Variants in NFATC3 observed in about 807,000 individuals in gnomAD.
NFATC3 encodes the protein nuclear factor of activated T-cells, cytoplasmic 3.
A neutral mutation model predicts 98.6 loss-of-function variants in NFATC3; 46 were observed. That is an observed-to-expected ratio of 0.47 (90% CI 0.37 to 0.60). NFATC3 has a LOEUF of 0.60. NFATC3 is among the 20% of genes least tolerant of loss of function. The pLI is 0.00. For synonymous variants in NFATC3, 512 were observed against 472.2 expected (o/e 1.08, Z -1.09); for missense variants, 1,256 against 1,295.5 (o/e 0.97, Z 0.47).
intron 9 of NFATC3, among the ~76,000 whole-genome samples, chr16:68,207,404 C>G (rs1209294272): frequency 6.6e-6 from 1 of 152,080 alleles, no homozygotes; most frequent in African/African-American, 2.4e-5. Flanking sequence ...TTGAGTCCCT[C>G]TTTTCAGTAC....
chr16:68,191,168 G>A lies in NFATC3; in HGVS notation c.2499G>A (p.Gln833=). Residue 833 remains glutamine (Q), a synonymous_variant, in exon 9 of 10, where the codon CAG becomes CAA. Transcript: ENST00000346183. ...SSQEFDSVLF[Q]QDATLSGLVN... is the part of the protein sequence containing the mutation. ...AAGAATTTGATTCAGTTTTGTTTCA[G>A]CAGGATGCAACTCTTTCTGGTTTAG... 2 of 1,614,154 alleles carry A rather than the reference G, an allele frequency of 1.2e-6. No homozygotes were observed. Among genetic ancestry groups the A allele is most frequent in the Non-Finnish European group, 1.7e-6 (2 of 1,180,040 alleles).
chr16:68,093,607 A>G (rs982973030), intron 1 of NFATC3, among the ~76,000 whole-genome samples: 3 of 152,194 alleles, frequency 2.0e-5, no homozygotes, highest in East Asian at 3.8e-4. Flanking sequence ...TACATTAGAT[A>G]AATATTTAAT....
chr16:68,142,946 A>G (rs2037835215), intron 3 of NFATC3, among the ~76,000 whole-genome samples: 1 of 152,116 alleles, frequency 6.6e-6, no homozygotes, highest in African/African-American at 2.4e-5. Context: ...AGAAATATGT[A>G]GTAGCCGCAT....
intron 4 of NFATC3, 107 bp from the exon 5 acceptor site, chr16:68,166,736 A>G (rs891185114): frequency 1.2e-6 from 1 of 835,314 alleles, no homozygotes; most frequent in African/African-American, 1.7e-5. Flanking sequence ...TTTTTGACCT[A>G]ATTTTGGGTA....
intron 4 of NFATC3, among the ~76,000 whole-genome samples, chr16:68,162,496 G>C (rs1283667695): frequency 6.6e-6 from 1 of 151,730 alleles, no homozygotes; most frequent in Non-Finnish European, 1.5e-5. Flanking sequence ...TGTCTTTACT[G>C]TTCTCTTAAG....
At chr16:68,205,038 G>A (rs946206903) in intron 9 of NFATC3, among the ~76,000 whole-genome samples, 1 of 149,186 alleles carries the variant, frequency 6.7e-6, no homozygotes, top group Admixed American at 6.7e-5. Flanking sequence ...CCTACAGTTA[G>A]TGTCTCCATC....
In NFATC3 at chr16:68,085,493, C is replaced by T. The variant is rs2034313939; in HGVS notation, c.-189C>T. Reference sequence around the variant, plus strand: ...CGGGCGGCTGCGGTTCCTGGTGCTGCTCGGCGCGCGGCCAGCTTTCGGAAC... The same window carrying T: ...CGGGCGGCTGCGGTTCCTGGTGCTGTTCGGCGCGCGGCCAGCTTTCGGAAC... On this transcript the variant is annotated 5_prime_UTR_variant, in exon 1 of 10. Coordinates refer to ENST00000346183, the MANE Select transcript of NFATC3 (RefSeq NM_173165.3). 1 of 505,870 alleles carries T rather than the reference C, an allele frequency of 2.0e-6. No individual in the cohort carries two copies. Among genetic ancestry groups the T allele is most frequent in the South Asian group, 2.7e-5 (1 of 37,120 alleles). The allele number at this position is 505,870 out of a possible 1,614,324, so 31.3% of individuals were successfully genotyped here.
At chr16:68,176,628 T>C (rs1034592233) in intron 6 of NFATC3, among the ~76,000 whole-genome samples, 1 of 152,196 alleles carries the variant, frequency 6.6e-6, no homozygotes, top group Non-Finnish European at 1.5e-5. Flanking sequence ...GGTGAAATGG[T>C]ATTTTGAAAT....
At chr16:68,170,025 G>A (rs891480893) in intron 5 of NFATC3, among the ~76,000 whole-genome samples, 2 of 151,850 alleles carry the variant, frequency 1.3e-5, no homozygotes, top group Admixed American at 6.6e-5. Flanking sequence ...CAGCCTGGGC[G>A]ACAGAGTGAG....
At chr16:68,116,191 A>T (rs543161826) in intron 1 of NFATC3, among the ~76,000 whole-genome samples, 1 of 152,222 alleles carries the variant, frequency 6.6e-6, no homozygotes, top group South Asian at 2.1e-4. Context: ...GTCATGACAC[A>T]GTTAAAAACA....
intron 3 of NFATC3, among the ~76,000 whole-genome samples, chr16:68,137,256 AATTTTTT>A (rs1043307782): frequency 4.6e-5 from 7 of 152,242 alleles, no homozygotes; most frequent in Non-Finnish European, 7.4e-5. Context: ...TCTATGTTCA[AATTTTTT>A]ATTTTTTATT....
At chr16:68,143,414 G>A (rs1158563689) in intron 3 of NFATC3, among the ~76,000 whole-genome samples, 2 of 152,138 alleles carry the variant, frequency 1.3e-5, no homozygotes, top group Non-Finnish European at 2.9e-5. Flanking sequence ...AGACAAAGAT[G>A]AGTATTCTTT....
intron 9 of NFATC3, among the ~76,000 whole-genome samples, chr16:68,211,531 G>A (rs2041394763): frequency 6.7e-6 from 1 of 149,050 alleles, no homozygotes; most frequent in African/African-American, 2.5e-5. Flanking sequence ...TGTTGTTGTT[G>A]TTGTTGTTTG....
chr16:68,124,713 G>A (rs367789829), intron 2 of NFATC3, among the ~76,000 whole-genome samples: 1 of 151,780 alleles, frequency 6.6e-6, no homozygotes, highest in Admixed American at 6.6e-5. Context: ...GATTACAGGC[G>A]TGAGCCACCG....
chr16:68,181,469 C>G lies in NFATC3; in HGVS notation c.1916-6C>G, dbSNP rs755222920. On this transcript the variant is annotated splice_polypyrimidine_tract_variant and splice_region_variant and intron_variant, in intron 6 of 9. Transcript: ENST00000346183. ...GCTTTTAACTATAAACTCTTTCTTT[C>G]AATAGATGGACGACCTCAGTGGGAG... 5.6e-6 allele frequency: 9 copies of G among 1,608,894 alleles called. No individual in the cohort carries two copies. The highest frequency in any genetic ancestry group is 7.7e-6 in the Non-Finnish European group (9 of 1,176,108).
At chr16:68,196,167 T>A (rs2040660441) in intron 9 of NFATC3, among the ~76,000 whole-genome samples, 1 of 152,180 alleles carries the variant, frequency 6.6e-6, no homozygotes, top group Admixed American at 6.5e-5. Context: ...TCACCCAGGC[T>A]GGAGTGCAGT....
intron 5 of NFATC3, among the ~76,000 whole-genome samples, chr16:68,169,005 G>T (rs976807537): frequency 2.0e-5 from 3 of 151,984 alleles, no homozygotes; most frequent in Non-Finnish European, 4.4e-5. Flanking sequence ...AGCTGGTCTC[G>T]AACTCCTGGG....
intron 4 of NFATC3, among the ~76,000 whole-genome samples, chr16:68,164,140 C>T (rs1261449333): frequency 6.6e-6 from 1 of 152,266 alleles, no homozygotes. Context: ...CAGACTCCGT[C>T]TGCAATCCCA....
At chr16:68,218,125 G>A (rs535213333) in intron 9 of NFATC3, 106 of 745,874 alleles carry the variant, frequency 1.4e-4, no homozygotes, top group South Asian at 3.7e-4. Flanking sequence ...AGTGGTGCAC[G>A]ATCATAGCTT....
Sources: gnomAD v4.1 joint callset for allele counts (sites outside exome capture counted in the v4.1 genomes callset) on GRCh38, gnomAD v4.1.1 for gene constraint, MANE v1.5 for transcripts, NCBI Gene and HGNC (gene_info 2026-07-23, HGNC 2026-07-21) for gene names.